Variants in KIAA1328 observed in about 807,000 individuals in gnomAD.
KIAA1328 encodes protein hinderin.
A neutral mutation model predicts 68.1 loss-of-function variants in KIAA1328; 52 were observed. The ratio of observed to expected loss-of-function variants is 0.76; its 90% CI spans 0.61 to 0.96. The LOEUF (loss-of-function observed/expected upper bound fraction) is 0.96, where lower values mean the gene tolerates loss of function less well. Among genes scored for constraint, KIAA1328 ranks in the 40% least tolerant of loss-of-function variants. The pLI is 0.00. For synonymous variants in KIAA1328, 232 were observed against 239.4 expected (o/e 0.97, Z 0.28); for missense variants, 641 against 677.6 (o/e 0.95, Z 0.60).
At chr18:36,961,952 T>A (rs988224512) in intron 6 of KIAA1328, among the ~76,000 whole-genome samples, 24 of 152,326 alleles carry the variant, frequency 1.6e-4, no homozygotes, top group South Asian at 8.3e-4. Flanking sequence ...CAGGATCAAA[T>A]TCCACATAAC....
chr18:36,883,952 G>GTATA lies in KIAA1328; in HGVS notation c.333-1590_333-1587dup, dbSNP rs58707237. The stretch of plus-strand genomic sequence containing the variant: ...TACAAATGCTTTCCATATTTATAAA[G>GTATA]TATATATATATATATATACACACAC... On this transcript the variant is annotated intron_variant, in intron 4 of 9. Transcript: ENST00000280020. 9.9e-4 allele frequency among the ~76,000 whole-genome samples: 120 copies of GTATA among 120,814 alleles called. 8 individuals are homozygous for GTATA. Among genetic ancestry groups the GTATA allele is most frequent in the African/African-American group, 2.9e-3 (87 of 30,366 alleles). 79.3% of individuals were successfully genotyped at this position (120,814 alleles called of 152,430 possible).
intron 3 of KIAA1328, among the ~76,000 whole-genome samples, chr18:36,838,064 T>G (rs1218249219): frequency 6.6e-6 from 1 of 152,218 alleles, no homozygotes; most frequent in Admixed American, 6.5e-5. Context: ...TGTTTTATAC[T>G]TTTTGATGTT....
At chr18:36,970,052 T>C (rs2052118814) in intron 6 of KIAA1328, among the ~76,000 whole-genome samples, 1 of 152,060 alleles carries the variant, frequency 6.6e-6, no homozygotes, top group Non-Finnish European at 1.5e-5. Flanking sequence ...GATGTGAAAA[T>C]CCTCAATAAA....
intron 4 of KIAA1328, among the ~76,000 whole-genome samples, chr18:36,859,223 G>A (rs2047478670): frequency 6.6e-6 from 1 of 151,812 alleles, no homozygotes; most frequent in Admixed American, 6.6e-5. Context: ...AACAAGTGCA[G>A]TTTCCTCTCT....
At chr18:37,109,695 A>G (rs537934986) in intron 7 of KIAA1328, among the ~76,000 whole-genome samples, 19 of 152,206 alleles carry the variant, frequency 1.2e-4, no homozygotes, top group Non-Finnish European at 2.6e-4. Flanking sequence ...TTGTATAAAC[A>G]TTACACTTTA....
chr18:37,199,499 G>A (rs1387133045), intron 9 of KIAA1328, among the ~76,000 whole-genome samples: 1 of 152,108 alleles, frequency 6.6e-6, no homozygotes, highest in Non-Finnish European at 1.5e-5. Flanking sequence ...ATCTGTCATT[G>A]AGGAGCATTT....
At chr18:37,111,747 G>C (rs1365797430) in intron 7 of KIAA1328, among the ~76,000 whole-genome samples, 1 of 152,176 alleles carries the variant, frequency 6.6e-6, no homozygotes, top group South Asian at 2.1e-4. Flanking sequence ...GGAAGCACAA[G>C]GGGTCGGGGA....
chr18:37,215,708 G>C (rs536202932), intron 9 of KIAA1328, among the ~76,000 whole-genome samples: 1 of 152,288 alleles, frequency 6.6e-6, no homozygotes, highest in Non-Finnish European at 1.5e-5. Flanking sequence ...GATTGGAATA[G>C]TTTCAGAAGG....
At chr18:37,231,941 G>C (rs1343961451), downstream of KIAA1328, 15 of 152,250 alleles carry the variant, frequency 9.9e-5, no homozygotes, top group Non-Finnish European at 2.9e-5. Flanking sequence ...GGGATGGGAT[G>C]AACTTCACAG....
rs1400016865 is a variant in KIAA1328, at chr18:36,959,410, G to T, written c.551G>T (p.Gly184Val). Reference protein sequence around the residue: ...EKLTMSLSELGAARMQEQQVS... With the variant: ...EKLTMSLSELVAARMQEQQVS... ...CTCACCATGTCTCTCTCAGAACTTG[G>T]TGCTGCTAGAATGCAGGAACAGCAG... is the stretch of plus-strand genomic sequence containing the variant. The change falls in exon 6 of 10, where the codon GGT (glycine) becomes GTT (valine). Residue 184 changes from glycine to valine, a missense_variant. Physicochemically the swap from Gly to Val is moderately radical, Grantham distance 109 (BLOSUM62 -3). Transcript: ENST00000280020. 6.2e-7 allele frequency: 1 copy of T among 1,609,474 alleles called. No homozygotes were observed. The highest frequency in any genetic ancestry group is 1.7e-5 in the Admixed American group (1 of 59,134).
chr18:36,974,811 A>G (rs1304943063), intron 6 of KIAA1328, among the ~76,000 whole-genome samples: 1 of 152,250 alleles, frequency 6.6e-6, no homozygotes, highest in East Asian at 1.9e-4. Context: ...GGATTTTTCT[A>G]TTGTTCATTT....
At chr18:36,865,449 G>C (rs1041375227) in intron 4 of KIAA1328, among the ~76,000 whole-genome samples, 1 of 152,100 alleles carries the variant, frequency 6.6e-6, no homozygotes, top group African/African-American at 2.4e-5. Context: ...CTTGTTTTAT[G>C]ATGTAGTATA....
chr18:36,895,892 A>G, intron 5 of KIAA1328: 1 of 399,342 alleles, frequency 2.5e-6, no homozygotes, highest in Non-Finnish European at 5.1e-6. Context: ...GTGTGAGGCC[A>G]CAGCAAGAAG....
intron 7 of KIAA1328, among the ~76,000 whole-genome samples, chr18:37,137,191 C>G (rs2058665101): frequency 6.6e-6 from 1 of 152,082 alleles, no homozygotes; most frequent in Admixed American, 6.5e-5. Context: ...CTCTGGAGTT[C>G]ATATTTTAAT....
At chr18:36,829,238 C>A (rs964795100) in intron 1 of KIAA1328, 42 bp downstream of exon 1, 1 of 1,483,494 alleles carries the variant, frequency 6.7e-7, no homozygotes, top group Admixed American at 2.4e-5. Flanking sequence ...GCGCCCTCCA[C>A]GGGACGGCGA....
At chr18:37,102,704 A>G (rs962747217) in intron 7 of KIAA1328, among the ~76,000 whole-genome samples, 2 of 152,206 alleles carry the variant, frequency 1.3e-5, no homozygotes, top group Admixed American at 6.5e-5. Flanking sequence ...CTCATATTCA[A>G]CATAGTACTG....
At chr18:36,829,858 G>A (rs1243805222) in intron 1 of KIAA1328, among the ~76,000 whole-genome samples, 1 of 152,168 alleles carries the variant, frequency 6.6e-6, no homozygotes, top group Non-Finnish European at 1.5e-5. Context: ...ATCGTTGTGA[G>A]GTGGAGAAGC....
At chr18:37,052,542 G>A (rs768015944) in intron 6 of KIAA1328, among the ~76,000 whole-genome samples, 10 of 151,994 alleles carry the variant, frequency 6.6e-5, no homozygotes, top group South Asian at 2.1e-4. Context: ...AAAAGAGGAC[G>A]TCAAATTATC....
At chr18:37,097,015 T>G (rs1272768463) in intron 7 of KIAA1328, among the ~76,000 whole-genome samples, 1 of 152,134 alleles carries the variant, frequency 6.6e-6, no homozygotes, top group Admixed American at 6.5e-5. Flanking sequence ...TTTCTCCCAT[T>G]CTGTAGATTG....
Sources: allele counts gnomAD v4.1 joint callset (sites outside exome capture counted in the v4.1 genomes callset), GRCh38; gene constraint gnomAD v4.1.1; transcripts MANE v1.5; gene names NCBI Gene and HGNC (gene_info 2026-07-23, HGNC 2026-07-21).